CCDC197: variants seen among roughly 807,000 people sequenced by gnomAD.
The protein encoded by CCDC197 is uncharacterized protein CCDC197.
A neutral mutation model predicts 13.4 loss-of-function variants in CCDC197; 24 were observed. The observed-to-expected ratio is 1.80, with a 90% confidence interval of 1.30 to 2.53. CCDC197 has a LOEUF of 2.53. Ranked by LOEUF, CCDC197 falls within the 30% of genes most tolerant of loss-of-function variation. CCDC197 has a pLI of 0.00. For missense variants in CCDC197, 255 were observed against 148.8 expected (o/e 1.71, Z -3.71); for synonymous variants, 99 against 55.5 (o/e 1.78, Z -3.48).
upstream of CCDC197, among the ~76,000 whole-genome samples, chr14:93,996,497 A>G (rs1205340062): frequency 2.0e-5 from 3 of 150,904 alleles, no homozygotes; most frequent in Non-Finnish European, 4.4e-5. Context: ...ACAGACCTGA[A>G]CCCCCAGCCC....
upstream of CCDC197, among the ~76,000 whole-genome samples, chr14:93,993,745 C>T (rs1477282721): frequency 6.6e-6 from 1 of 152,156 alleles, no homozygotes; most frequent in South Asian, 2.1e-4. Flanking sequence ...AAAAGGGGTC[C>T]TATTGCCATT....
intron 6 of CCDC197, among the ~76,000 whole-genome samples, chr14:94,006,605 C>T (rs1890687488): frequency 6.6e-6 from 1 of 152,112 alleles, no homozygotes; most frequent in Non-Finnish European, 1.5e-5. Context: ...GATCCACCCG[C>T]CTCGGCCTCC....
At chr14:93,995,953 G>A (rs1043420437), upstream of CCDC197, among the ~76,000 whole-genome samples, 2 of 152,198 alleles carry the variant, frequency 1.3e-5, no homozygotes, top group Non-Finnish European at 2.9e-5. Context: ...TGCTTTGAAG[G>A]CGCTGCCTAC....
At chr14:94,000,956 G>T in intron 3 of CCDC197, 189 bp from the exon 4 acceptor site, 1 of 419,390 alleles carries the variant, frequency 2.4e-6, no homozygotes, top group South Asian at 4.1e-5. Flanking sequence ...GAAGTGGAGG[G>T]GGCGGGAGGG....
chr14:94,004,257 C>T (rs1242672060), intron 5 of CCDC197, among the ~76,000 whole-genome samples: 3 of 152,128 alleles, frequency 2.0e-5, no homozygotes, highest in Admixed American at 1.3e-4. Flanking sequence ...TCCGGGACTG[C>T]GGGAGGACAG....
At chr14:94,002,021 A>C (rs570913592) in intron 4 of CCDC197, among the ~76,000 whole-genome samples, 5 of 152,196 alleles carry the variant, frequency 3.3e-5, no homozygotes, top group Non-Finnish European at 7.3e-5. Flanking sequence ...AATGGAATTC[A>C]TGGATGGGCT....
rs555529767 is a variant in CCDC197 at position 94,003,456 on chromosome 14, GAC to G, written c.498+114_498+115del. ...AAACACACAGACACATACGCACGCA[GAC>G]ACACACACACAGAGCCAGACACATA... On this transcript the variant is annotated intron_variant, in intron 5 of 6. Coordinates refer to ENST00000636493, the MANE Select transcript of CCDC197 (RefSeq NM_001351596.2). This position sits in a 1 kb window ranked among gnomAD's most constrained non-coding sequence, Gnocchi z 5.0. 1.0e-3 allele frequency: 623 copies of G among 619,722 alleles called. No individual in the cohort carries two copies. The highest frequency in any genetic ancestry group is 1.9e-3 in the Middle Eastern group (5 of 2,612). The allele number at this position is 619,722 out of a possible 1,614,324, so 38.4% of individuals were successfully genotyped here. A position where few individuals can be genotyped will look rare whatever the true frequency, so the allele number is the denominator to read the frequency against.
At chr14:93,993,084 C>A (rs1890236477), upstream of CCDC197, among the ~76,000 whole-genome samples, 1 of 152,194 alleles carries the variant, frequency 6.6e-6, no homozygotes, top group South Asian at 2.1e-4. Context: ...CCTCTTCCCA[C>A]CAGAGCCACC....
chr14:93,999,307 C>T, intron 2 of CCDC197: 1 of 403,682 alleles, frequency 2.5e-6, no homozygotes, highest in Admixed American at 4.3e-5. Context: ...AGACTCTGGC[C>T]AGAAAGGCTC....
In CCDC197 at chr14:93,999,490, C is replaced by A. The variant is rs1890423645; in HGVS notation, c.105-93C>A. Reference sequence around the variant, plus strand: ...GTGGCCGGCCCAGTGCACGTCCAAGCAGGAGATCACAGAGGGTGGTCCAGG... The same window carrying A: ...GTGGCCGGCCCAGTGCACGTCCAAGAAGGAGATCACAGAGGGTGGTCCAGG... On this transcript the variant is annotated intron_variant, in intron 2 of 6. Coordinates refer to ENST00000636493, the MANE Select transcript of CCDC197 (RefSeq NM_001351596.2). 4.0e-6 allele frequency: 3 copies of A among 749,346 alleles called. No individual in the cohort carries two copies. The Admixed American group carries it at 5.4e-5, about 14-fold the overall frequency. The allele number at this position is 749,346 out of a possible 1,614,324, so 46.4% of individuals were successfully genotyped here. A position where few individuals can be genotyped will look rare whatever the true frequency, so the allele number is the denominator to read the frequency against.
At chr14:93,994,119 G>A (rs1890247875), upstream of CCDC197, among the ~76,000 whole-genome samples, 1 of 152,218 alleles carries the variant, frequency 6.6e-6, no homozygotes, top group African/African-American at 2.4e-5. Context: ...GAGCAGGATG[G>A]AGAATAACTA....
chr14:94,005,280 C>T (rs965984061), intron 6 of CCDC197, among the ~76,000 whole-genome samples: 4 of 152,192 alleles, frequency 2.6e-5, no homozygotes, highest in Admixed American at 1.3e-4. Context: ...CACCCATCAA[C>T]ATCCATGTGT....
upstream of CCDC197, among the ~76,000 whole-genome samples, chr14:93,995,602 A>G (rs1187688319): frequency 2.6e-5 from 4 of 152,204 alleles, no homozygotes; most frequent in Non-Finnish European, 5.9e-5. Flanking sequence ...TATGACTGTC[A>G]GTCAAGCCAA....
chr14:94,001,456 C>T, intron 4 of CCDC197, 133 bp downstream of exon 4: 1 of 553,934 alleles, frequency 1.8e-6, no homozygotes, highest in Non-Finnish European at 3.2e-6. Flanking sequence ...CTCGGTGGGG[C>T]TGTCGCTCCT....
At chr14:93,991,828 C>T (rs993326041) in intron 1 of CCDC197, among the ~76,000 whole-genome samples, 17 of 151,844 alleles carry the variant, frequency 1.1e-4, no homozygotes, top group African/African-American at 3.9e-4. Context: ...GCCGAGGGAA[C>T]CACAGGTGCA....
intron 3 of CCDC197, among the ~76,000 whole-genome samples, chr14:94,000,059 G>C (rs11628282): frequency 0.083 from 12,678 of 152,154 alleles, 577 homozygotes; most frequent in Middle Eastern, 0.14. Flanking sequence ...TTGTGTTTTT[G>C]TGTTGCTATT....
In CCDC197 at chr14:94,003,880, A is replaced by AG. The variant is rs1890608177; in HGVS notation, c.498+529dup. Among the ~76,000 whole-genome samples, 1 of 152,184 alleles carries AG rather than the reference A, an allele frequency of 6.6e-6. No homozygotes were observed. The highest frequency in any genetic ancestry group is 1.5e-5 in the Non-Finnish European group (1 of 68,032). On this transcript the variant is annotated intron_variant, in intron 5 of 6. Transcript: ENST00000636493. The surrounding 1 kb of genome is among the most constrained non-coding windows in gnomAD (Gnocchi z 5.0). ...AGCCGGGATCCACCGGCCCAGTCCCAGGGCTTGGTGTTGTGCCGAGCTCTT... is the reference window on the plus strand; with the variant it reads ...AGCCGGGATCCACCGGCCCAGTCCCAGGGGCTTGGTGTTGTGCCGAGCTCTT...
upstream of CCDC197, among the ~76,000 whole-genome samples, chr14:93,995,853 C>T (rs1237105724): frequency 6.6e-6 from 1 of 152,214 alleles, no homozygotes; most frequent in Non-Finnish European, 1.5e-5. Context: ...GTAGCCCGGA[C>T]AGTCTCTGCT....
chr14:93,992,082 C>T (rs535094242), intron 1 of CCDC197, among the ~76,000 whole-genome samples: 2 of 152,320 alleles, frequency 1.3e-5, no homozygotes, highest in South Asian at 4.1e-4. Flanking sequence ...CGGATTGACA[C>T]CACAGAAACT....
Sources: allele counts gnomAD v4.1 joint callset (sites outside exome capture counted in the v4.1 genomes callset), GRCh38; gene constraint gnomAD v4.1.1; non-coding constraint Gnocchi (gnomAD v3.1); transcripts MANE v1.5; gene names NCBI Gene and HGNC (gene_info 2026-07-23, HGNC 2026-07-21).